The following PRKCA variants were observed in gnomAD, a reference collection of about 807,000 sequenced individuals.
The protein encoded by PRKCA is protein kinase C alpha.
PRKCA carries 27 observed loss-of-function variants against 87.0 expected under a neutral mutation model. The observed-to-expected ratio is 0.31, with a 90% CI of 0.23 to 0.43. The LOEUF is 0.43. Among genes scored for constraint, PRKCA ranks in the 20% least tolerant of loss-of-function variants. The probability of loss-of-function intolerance (pLI) is 1.00; values close to 1 mark genes in which losing one functional copy is unlikely to be tolerated. For synonymous variants in PRKCA, 329 were observed against 311.1 expected, an observed-to-expected ratio of 1.06 and a Z score of -0.61; for missense variants, 518 against 852.3, an observed-to-expected ratio of 0.61 and a Z score of 4.88.
At chr17:66,562,121 AAT>A (rs1350612768) in intron 3 of PRKCA, among the ~76,000 whole-genome samples, 3 of 38,428 alleles carry the variant, frequency 7.8e-5, no homozygotes, top group Admixed American at 2.8e-4. Flanking sequence ...TATATAATTA[AAT>A]ATATATAATT....
chr17:66,341,511 C>A (rs1361463827), intron 2 of PRKCA, among the ~76,000 whole-genome samples: 1 of 152,200 alleles, frequency 6.6e-6, no homozygotes, highest in Non-Finnish European at 1.5e-5. Context: ...CTGTGCCTTG[C>A]ACTGTGTATA....
intron 2 of PRKCA, among the ~76,000 whole-genome samples, chr17:66,424,023 T>A (rs1310637770): frequency 1.3e-5 from 2 of 152,180 alleles, no homozygotes. Context: ...AATGCTGTCT[T>A]AGCAGAAGTG....
intron 2 of PRKCA, among the ~76,000 whole-genome samples, chr17:66,442,056 GTC>G (rs1240430116): frequency 6.7e-6 from 1 of 149,756 alleles, no homozygotes. Context: ...CATGATGTTA[GTC>G]TCTCTCTCTT....
At chr17:66,774,936 ACC>A in intron 14 of PRKCA, 1 of 985,420 alleles carries the variant, frequency 1.0e-6, no homozygotes, top group Non-Finnish European at 1.2e-6. Flanking sequence ...GTACCAGATA[ACC>A]ATGTGCCTTA....
intron 2 of PRKCA, among the ~76,000 whole-genome samples, chr17:66,330,827 GTAA>G (rs1906283130): frequency 6.6e-6 from 1 of 152,188 alleles, no homozygotes; most frequent in African/African-American, 2.4e-5. Context: ...GAAGCTGATA[GTAA>G]TGAGATTTAT....
At chr17:66,751,826 G>A (rs978650327) in intron 13 of PRKCA, among the ~76,000 whole-genome samples, 6 of 152,152 alleles carry the variant, frequency 3.9e-5, no homozygotes, top group East Asian at 1.9e-4. Context: ...CAATCATGGC[G>A]GAAGGGGAAG....
At chr17:66,355,130 A>G (rs1267228083) in intron 2 of PRKCA, among the ~76,000 whole-genome samples, 1 of 152,232 alleles carries the variant, frequency 6.6e-6, no homozygotes, top group Non-Finnish European at 1.5e-5. Context: ...AATAATCTCC[A>G]CATTCCTAGA....
intron 2 of PRKCA, among the ~76,000 whole-genome samples, chr17:66,453,528 G>C (rs1440453544): frequency 6.6e-6 from 1 of 152,018 alleles, no homozygotes; most frequent in African/African-American, 2.4e-5. Flanking sequence ...ATGTTGACCA[G>C]GCTGGTCTCG....
At chr17:66,661,580 G>A (rs979820837) in intron 5 of PRKCA, among the ~76,000 whole-genome samples, 1 of 152,212 alleles carries the variant, frequency 6.6e-6, no homozygotes, top group Non-Finnish European at 1.5e-5. Context: ...ACCTGCTCCT[G>A]GCCTGGCTGG....
At chr17:66,693,411 A>C (rs567308654) in intron 8 of PRKCA, among the ~76,000 whole-genome samples, 1 of 152,360 alleles carries the variant, frequency 6.6e-6, no homozygotes, top group Admixed American at 6.5e-5. Context: ...GTAAGGTGCC[A>C]GCAGTGGGCT....
At chr17:66,576,967 C>T (rs150561798) in intron 3 of PRKCA, among the ~76,000 whole-genome samples, 1,564 of 151,812 alleles carry the variant, frequency 0.01, 27 homozygotes, top group African/African-American at 0.036. Flanking sequence ...CTCCACCTCC[C>T]GGGCTCAGGT....
chr17:66,463,987 G>C (rs1020397156), intron 2 of PRKCA, among the ~76,000 whole-genome samples: 3 of 152,038 alleles, frequency 2.0e-5, no homozygotes, highest in Non-Finnish European at 4.4e-5. Context: ...TATCATGCAA[G>C]GTATATTTTC....
At chr17:66,541,002 G>A (rs138884998) in intron 3 of PRKCA, among the ~76,000 whole-genome samples, 2 of 152,280 alleles carry the variant, frequency 1.3e-5, no homozygotes, top group East Asian at 3.9e-4. Context: ...CCCTACAGAG[G>A]TAGGAAGTGG....
chr17:66,726,226 G>A (rs1973744833), intron 8 of PRKCA, among the ~76,000 whole-genome samples: 1 of 151,678 alleles, frequency 6.6e-6, no homozygotes, highest in Admixed American at 6.6e-5. Context: ...AGGTGTGCAG[G>A]ACAGAAAGCG....
At chr17:66,313,764 G>A (rs1409100644) in intron 2 of PRKCA, among the ~76,000 whole-genome samples, 1 of 152,122 alleles carries the variant, frequency 6.6e-6, no homozygotes, top group Non-Finnish European at 1.5e-5. Context: ...AAAGGTTTTT[G>A]TGCGTTAATA....
intron 11 of PRKCA, among the ~76,000 whole-genome samples, chr17:66,740,701 T>G (rs986479175): frequency 6.6e-6 from 1 of 152,196 alleles, no homozygotes; most frequent in Non-Finnish European, 1.5e-5. Context: ...AAATAAAGCT[T>G]GGTCACACAG....
intron 14 of PRKCA, chr17:66,777,957 C>T (rs1372144425): frequency 2.0e-6 from 2 of 985,284 alleles, no homozygotes; most frequent in African/African-American, 3.5e-5. Flanking sequence ...ATGCTTTCTT[C>T]TGGCAGAGAA....
intron 2 of PRKCA, among the ~76,000 whole-genome samples, chr17:66,444,163 C>T (rs1306735085): frequency 6.6e-6 from 1 of 152,178 alleles, no homozygotes; most frequent in Non-Finnish European, 1.5e-5. Flanking sequence ...CGCGAGATGT[C>T]ATACCATCCA....
chr17:66,655,484 G>A (rs566285104), intron 5 of PRKCA, among the ~76,000 whole-genome samples: 1 of 152,274 alleles, frequency 6.6e-6, no homozygotes, highest in Non-Finnish European at 1.5e-5. Context: ...TTCAGCTGCA[G>A]TTACCTTTAG....
Sources: gnomAD v4.1 joint callset for allele counts (sites outside exome capture counted in the v4.1 genomes callset) on GRCh38, gnomAD v4.1.1 for gene constraint, MANE v1.5 for transcripts, NCBI Gene and HGNC (gene_info 2026-07-23, HGNC 2026-07-21) for gene names.